The following LRBA variants were observed in gnomAD, a reference collection of about 807,000 sequenced individuals.
The protein encoded by LRBA is LPS responsive beige-like anchor protein, also known as lipopolysaccharide-responsive and beige-like anchor protein.
In LRBA, 176 loss-of-function variants were observed where a neutral mutation model predicts 330.0. The observed-to-expected ratio is 0.53, with a 90% confidence interval of 0.47 to 0.60. The LOEUF is 0.60. LRBA is among the 20% of genes least tolerant of loss of function. The pLI, the probability that LRBA is intolerant of heterozygous loss-of-function variation, is 0.00. For synonymous variants in LRBA, 1,230 were observed against 1,193.0 expected (o/e 1.03, Z -0.64); for missense variants, 3,259 against 3,444.8 (o/e 0.95, Z 1.35).
intron 40 of LRBA, among the ~76,000 whole-genome samples, chr4:150,578,036 A>G (rs1235273971): frequency 6.6e-6 from 1 of 152,224 alleles, no homozygotes; most frequent in African/African-American, 2.4e-5. Context: ...TGACAGGCAA[A>G]GGGCATTAGG....
intron 40 of LRBA, among the ~76,000 whole-genome samples, chr4:150,494,717 G>A (rs1012080360): frequency 4.6e-5 from 7 of 152,098 alleles, no homozygotes; most frequent in Non-Finnish European, 8.8e-5. Context: ...AGTAGTAGGC[G>A]GGGCACGGTG....
At chr4:150,905,412 G>A (rs1269637528) in intron 13 of LRBA, among the ~76,000 whole-genome samples, 1 of 151,310 alleles carries the variant, frequency 6.6e-6, no homozygotes, top group Non-Finnish European at 1.5e-5. Context: ...AAAAAAAAAA[G>A]AAAAAATATA....
chr4:150,677,956 T>C (rs1782714022), intron 37 of LRBA, among the ~76,000 whole-genome samples: 1 of 151,984 alleles, frequency 6.6e-6, no homozygotes, highest in Admixed American at 6.6e-5. Flanking sequence ...AAAGTAGAAA[T>C]AGGCCAGGCA....
intron 47 of LRBA, among the ~76,000 whole-genome samples, chr4:150,383,086 A>G (rs1472826206): frequency 6.6e-6 from 1 of 152,244 alleles, no homozygotes; most frequent in African/African-American, 2.4e-5. Flanking sequence ...TTTCAGAACT[A>G]GCACATCTTA....
chr4:150,269,943 C>CA (rs1256295458), intron 56 of LRBA, among the ~76,000 whole-genome samples: 14 of 152,040 alleles, frequency 9.2e-5, no homozygotes, highest in African/African-American at 3.4e-4. Flanking sequence ...GACCCTGTCT[C>CA]AAAAAACAAA....
intron 35 of LRBA, among the ~76,000 whole-genome samples, chr4:150,737,523 A>AAAAAG (rs70941433): frequency 0.69 from 102,594 of 149,734 alleles, 41,039 homozygotes; most frequent in Non-Finnish European, 0.9. Flanking sequence ...AAAGAAAAGA[A>AAAAAG]AAAAGAAAAG....
intron 40 of LRBA, among the ~76,000 whole-genome samples, chr4:150,535,701 ATCTGTAAACAT>A (rs1764587568): frequency 6.6e-6 from 1 of 152,220 alleles, no homozygotes; most frequent in Admixed American, 6.5e-5. Flanking sequence ...GATAGAAAAC[ATCTGTAAACAT>A]TCTACATTTT....
At chr4:150,700,054 C>A (rs777630325) in intron 36 of LRBA, among the ~76,000 whole-genome samples, 1 of 151,920 alleles carries the variant, frequency 6.6e-6, no homozygotes, top group African/African-American at 2.4e-5. Flanking sequence ...GATATTCAAC[C>A]AGTAATATAA....
Position 150,435,573 on chromosome 4 carries a change from C to G in LRBA, c.7041+16G>C. 6.3e-7 allele frequency: 1 copy of G among 1,593,378 alleles called. No homozygotes were observed. The highest frequency in any genetic ancestry group is 2.2e-5 in the East Asian group (1 of 44,588). Reference sequence around the variant, plus strand: ...TGCACTGGCAATAACAACTATAAAACAAAACATTTCTGTACCTTAATATCA... The same window carrying G: ...TGCACTGGCAATAACAACTATAAAAGAAAACATTTCTGTACCTTAATATCA... On this transcript the variant is annotated intron_variant, in intron 46 of 56. Transcript: ENST00000651943.
At chr4:150,763,986 CTAACA>C (rs1735432728) in intron 34 of LRBA, among the ~76,000 whole-genome samples, 1 of 151,832 alleles carries the variant, frequency 6.6e-6, no homozygotes, top group Non-Finnish European at 1.5e-5. Flanking sequence ...GCTCTTATAC[CTAACA>C]TAACATTCTT....
chr4:150,563,629 A>C lies in LRBA; in HGVS notation c.6330+24419T>G, dbSNP rs541461678. On this transcript the variant is annotated intron_variant, in intron 40 of 56. Transcript: ENST00000651943. ...GCAGACGACATGATTGTATATGTAG[A>C]AAACCCCATCATATCAGCCCAAAAA... Among the ~76,000 whole-genome samples the C allele has an allele frequency of 8.5e-5, 13 of 152,340 alleles. No homozygotes were observed. In the South Asian group the frequency reaches 2.7e-3, roughly 32 times the overall value.
At chr4:150,608,719 C>A (rs577778062) in intron 37 of LRBA, among the ~76,000 whole-genome samples, 2 of 152,208 alleles carry the variant, frequency 1.3e-5, no homozygotes, top group Admixed American at 6.5e-5. Flanking sequence ...TTTTATCACC[C>A]CAAAATGAAA....
intron 37 of LRBA, among the ~76,000 whole-genome samples, chr4:150,626,858 T>C (rs187980171): frequency 6.6e-6 from 1 of 152,288 alleles, no homozygotes; most frequent in African/African-American, 2.4e-5. Context: ...GATTAATTAC[T>C]TATATTTGAT....
intron 56 of LRBA, among the ~76,000 whole-genome samples, chr4:150,266,175 G>GACTC (rs1482619592): frequency 6.6e-6 from 1 of 152,146 alleles, no homozygotes; most frequent in African/African-American, 2.4e-5. Context: ...ATAAGCAACA[G>GACTC]ACTCAAAAGA....
chr4:150,897,068 A>C (rs1560975431), intron 15 of LRBA, among the ~76,000 whole-genome samples: 1 of 151,828 alleles, frequency 6.6e-6, no homozygotes, highest in Non-Finnish European at 1.5e-5. Context: ...ACGAGCAACA[A>C]AACAAAGACA....
chr4:150,786,495 C>T (rs1739079400), intron 34 of LRBA, among the ~76,000 whole-genome samples: 1 of 152,036 alleles, frequency 6.6e-6, no homozygotes, highest in Admixed American at 6.5e-5. Context: ...CCACCCAGCT[C>T]AGCCTCCCAA....
rs70941466 is a variant in LRBA, at chr4:151,009,983, A to AAAAT, written c.216+4440_216+4443dup. ...GGACAGAGTGAGGCTCCATCTCAAA[A>AAAAT]AAATAAATAAATAAATAAATAAATA... is the stretch of plus-strand genomic sequence containing the variant. On this transcript the variant is annotated intron_variant, in intron 2 of 56. Transcript: ENST00000651943. 7.0e-3 allele frequency among the ~76,000 whole-genome samples: 1,065 copies of AAAAT among 151,080 alleles called. 10 individuals carry two copies. Among genetic ancestry groups the AAAAT allele is most frequent in the African/African-American group, 0.016 (673 of 40,866 alleles).
intron 40 of LRBA, among the ~76,000 whole-genome samples, chr4:150,513,867 C>A (rs564060671): frequency 5.3e-5 from 8 of 152,154 alleles, no homozygotes; most frequent in Non-Finnish European, 1.0e-4. Context: ...GGGAAATACA[C>A]ATCAGTCCAT....
At chr4:150,934,964 C>T (rs1432007077) in intron 2 of LRBA, among the ~76,000 whole-genome samples, 1 of 150,378 alleles carries the variant, frequency 6.6e-6, no homozygotes, top group Non-Finnish European at 1.5e-5. Context: ...GCCGAGATCG[C>T]GCCATTGCAC....
Sources: gnomAD v4.1 joint callset for allele counts (sites outside exome capture counted in the v4.1 genomes callset) on GRCh38, gnomAD v4.1.1 for gene constraint, MANE v1.5 for transcripts, NCBI Gene and HGNC (gene_info 2026-07-23, HGNC 2026-07-21) for gene names.